The following FAM118A variants were observed in gnomAD, a reference collection of about 807,000 sequenced individuals.
The protein encoded by FAM118A is protein FAM118A.
In FAM118A, 25 loss-of-function variants were observed where a neutral mutation model predicts 38.2. The observed-to-expected ratio is 0.65, with a 90% confidence interval of 0.48 to 0.91. The LOEUF (loss-of-function observed/expected upper bound fraction) is 0.91. Among genes scored for constraint, FAM118A ranks in the 40% least tolerant of loss-of-function variants. The pLI is 0.00. For synonymous variants in FAM118A, 178 were observed against 184.1 expected (o/e 0.97, Z 0.27); for missense variants, 425 against 463.3 (o/e 0.92, Z 0.76).
At position 45,341,732 on chromosome 22, in the gene FAM118A, G is replaced by A. The variant is rs1339421224; in HGVS notation, c.*1327G>A. On this transcript the variant is annotated 3_prime_UTR_variant, in exon 9 of 9. Transcript: ENST00000441876. ...TCTTTGGAAACAAACAGCCCTGCTT[G>A]GTTTCAGTTTGAGGCCACTTATCTT... 1.3e-5 allele frequency: 2 copies of A among 152,140 alleles called. No homozygotes were observed. The highest frequency in any genetic ancestry group is 2.4e-5 in the African/African-American group (1 of 41,390). The allele number at this position is 152,140 out of a possible 1,614,324, so 9.4% of individuals were successfully genotyped here. A position where few individuals can be genotyped will look rare whatever the true frequency, so the allele number is the denominator to read the frequency against.
At chr22:45,332,351 C>T (rs1485753508) in intron 5 of FAM118A, 74 bp from the exon 6 acceptor site, 2 of 1,481,326 alleles carry the variant, frequency 1.4e-6, no homozygotes, top group Admixed American at 1.9e-5. Flanking sequence ...AAAGCACACA[C>T]ATGTGACTTG....
At chr22:45,323,127 A>G (rs1367999807) in intron 2 of FAM118A, 48 bp from the exon 3 acceptor site, 59 of 1,596,438 alleles carry the variant, frequency 3.7e-5, no homozygotes, top group Non-Finnish European at 4.8e-5. Flanking sequence ...TGTGTTTGCA[A>G]TGTTTCCGCT....
chr22:45,315,320 G>A (rs1397606663), intron 1 of FAM118A, among the ~76,000 whole-genome samples: 1 of 152,132 alleles, frequency 6.6e-6, no homozygotes, highest in Admixed American at 6.5e-5. Flanking sequence ...TGGTTAAGTG[G>A]AGTGCGTTCA....
At chr22:45,317,836 G>C (rs2084673582) in intron 1 of FAM118A, among the ~76,000 whole-genome samples, 1 of 152,210 alleles carries the variant, frequency 6.6e-6, no homozygotes, top group Non-Finnish European at 1.5e-5. Flanking sequence ...AATTCCACCG[G>C]GACAGGCTCT....
Position 45,332,485 on chromosome 22 carries a change from C to T in FAM118A, c.712C>T (p.Leu238Phe). ...TCTGTTTGTGGGCTGTGGGGAGACC[C>T]TTCGTGATCAGATATTCCAGGCCCT... ...SFLFVGCGETLRDQIFQALFL... is the reference protein window; with the variant it reads ...SFLFVGCGETFRDQIFQALFL... Residue 238 changes from leucine (L) to phenylalanine (F), a missense_variant, in exon 6 of 9, where the codon CTT (leucine) becomes TTT (phenylalanine). Coordinates refer to ENST00000441876, the MANE Select transcript of FAM118A (RefSeq NM_017911.4). 1 of 1,614,226 alleles carries T rather than the reference C, an allele frequency of 6.2e-7. No homozygotes were observed. The highest frequency in any genetic ancestry group is 1.7e-5 in the Admixed American group (1 of 60,028).
At chr22:45,323,041 C>CTCTGTG in intron 2 of FAM118A, 134 bp from the exon 3 acceptor site, 1 of 658,848 alleles carries the variant, frequency 1.5e-6, no homozygotes, top group African/African-American at 1.9e-5. Context: ...TCAGAGGGGA[C>CTCTGTG]TGTGTGTGTG....
chr22:45,326,347 C>T (rs527721099), intron 3 of FAM118A, among the ~76,000 whole-genome samples: 4 of 152,262 alleles, frequency 2.6e-5, no homozygotes, highest in South Asian at 4.1e-4. Context: ...AGGCTGCTTC[C>T]GGAGGCCAGG....
intron 7 of FAM118A, among the ~76,000 whole-genome samples, chr22:45,336,103 C>G (rs1431550230): frequency 6.6e-6 from 1 of 152,232 alleles, no homozygotes. Context: ...CCCGTTGCCA[C>G]CTATTCCCAT....
rs892279868 is a variant in FAM118A, at chr22:45,327,041, GAAATA to G, written c.301-794_301-790del. 5.3e-5 allele frequency among the ~76,000 whole-genome samples: 8 copies of G among 150,016 alleles called. 1 individual carries two copies. The highest frequency in any genetic ancestry group is 1.2e-4 in the African/African-American group (5 of 41,088). On this transcript the variant is annotated intron_variant, in intron 3 of 8. Transcript: ENST00000441876. ...AAAATAAAATAATAAAATGAAAAAT[GAAATA>G]AAATAATATAAAAAATTAAATTAAA... is the stretch of plus-strand genomic sequence containing the variant.
chr22:45,333,883 C>T (rs1451409720), intron 6 of FAM118A, among the ~76,000 whole-genome samples: 2 of 152,050 alleles, frequency 1.3e-5, no homozygotes, highest in Non-Finnish European at 2.9e-5. Context: ...CAGCTGTGCA[C>T]ACATGTATAG....
chr22:45,318,732 G>C (rs943687527), intron 1 of FAM118A: 3 of 152,168 alleles, frequency 2.0e-5, no homozygotes, highest in East Asian at 1.9e-4. Context: ...GCTGTGTTGA[G>C]TTTTTATATA....
intron 5 of FAM118A, among the ~76,000 whole-genome samples, chr22:45,331,608 C>G (rs1160648917): frequency 6.6e-6 from 1 of 152,158 alleles, no homozygotes; most frequent in African/African-American, 2.4e-5. Context: ...CTGAGAAACT[C>G]GGTGTCTGTG....
intron 8 of FAM118A, among the ~76,000 whole-genome samples, chr22:45,338,298 C>T (rs737399): frequency 0.12 from 18,240 of 152,030 alleles, 1,511 homozygotes; most frequent in African/African-American, 0.22. Flanking sequence ...GGCGCGATCT[C>T]GGCTCACCAC....
In FAM118A at chr22:45,327,864, G is replaced by C. The variant is rs893490021; in HGVS notation, c.323G>C (p.Ser108Thr). 1.9e-6 allele frequency: 3 copies of C among 1,614,266 alleles called. No individual in the cohort carries two copies. In the East Asian group the frequency reaches 6.7e-5, roughly 36 times the overall value. ...TAGCGCACAGGCGATGCCAAGCCCA[G>C]CTTCTTCCAGGACTGCCTGATGGAG... is the stretch of plus-strand genomic sequence containing the variant. ...MSPRTGDAKP[S>T]FFQDCLMEVF... The change falls in exon 4 of 9, where the codon AGC (serine) becomes ACC (threonine). Residue 108 changes from serine (S) to threonine (T), a missense_variant. Ser to Thr is a moderately conservative substitution (Grantham distance 58). Transcript: ENST00000441876.
chr22:45,338,390 C>T (rs186258255), intron 8 of FAM118A, among the ~76,000 whole-genome samples: 131 of 152,230 alleles, frequency 8.6e-4, no homozygotes, highest in African/African-American at 2.9e-3. Flanking sequence ...CCACCATGCC[C>T]GACTAATTTT....
chr22:45,328,431 G>A (rs2085466056), intron 4 of FAM118A: 1 of 1,008,472 alleles, frequency 9.9e-7, no homozygotes, highest in Non-Finnish European at 1.6e-6. Flanking sequence ...GGTGTGGGGA[G>A]TTCTGTGCCC....
At chr22:45,323,076 T>TAC (rs2084995481) in intron 2 of FAM118A, 99 bp from the exon 3 acceptor site, 1 of 1,282,226 alleles carries the variant, frequency 7.8e-7, no homozygotes, top group African/African-American at 1.5e-5. Context: ...TGTGTGTGTG[T>TAC]ACACAGCACA....
intron 1 of FAM118A, 24 bp from the exon 2 acceptor site, chr22:45,322,347 C>T: frequency 6.2e-7 from 1 of 1,604,896 alleles, no homozygotes; most frequent in Non-Finnish European, 8.5e-7. Context: ...ACAGAAGTCA[C>T]TTCTGACTAA....
chr22:45,340,297 A>G, intron 8 of FAM118A, 89 bp from the exon 9 acceptor site: 1 of 1,495,310 alleles, frequency 6.7e-7, no homozygotes, highest in Non-Finnish European at 9.3e-7. Flanking sequence ...GAACAATTGT[A>G]AAGCAGTTTC....
Sources: gnomAD v4.1 joint callset for allele counts (sites outside exome capture counted in the v4.1 genomes callset) on GRCh38, gnomAD v4.1.1 for gene constraint, MANE v1.5 for transcripts, NCBI Gene and HGNC (gene_info 2026-07-23, HGNC 2026-07-21) for gene names.